Variants in MCF2L2 observed in about 807,000 individuals in gnomAD.
MCF2L2 encodes MCF.2 cell line derived transforming sequence-like 2.
In MCF2L2, 102 loss-of-function variants were observed where a neutral mutation model predicts 150.2. The observed-to-expected ratio is 0.68, with a 90% confidence interval of 0.58 to 0.80. The LOEUF (loss-of-function observed/expected upper bound fraction) is 0.80, where lower values mean the gene tolerates loss of function less well. Among genes scored for constraint, MCF2L2 ranks in the 30% least tolerant of loss-of-function variants. The pLI, the probability that MCF2L2 is intolerant of heterozygous loss-of-function variation, is 0.00. For synonymous variants in MCF2L2, 465 were observed against 491.3 expected (o/e 0.95, Z 0.71); for missense variants, 1,256 against 1,372.8 (o/e 0.91, Z 1.34).
intron 14 of MCF2L2, among the ~76,000 whole-genome samples, chr3:183,282,370 G>C (rs1249340222): frequency 6.6e-6 from 1 of 151,974 alleles, no homozygotes; most frequent in East Asian, 1.9e-4. Flanking sequence ...AGTAGAGACG[G>C]GGTTTCACCA....
At chr3:183,314,269 G>A (rs1218519582) in intron 7 of MCF2L2, among the ~76,000 whole-genome samples, 3 of 152,202 alleles carry the variant, frequency 2.0e-5, no homozygotes, top group Non-Finnish European at 4.4e-5. Flanking sequence ...CAGGCTGGGG[G>A]AAAGAATTTA....
At chr3:183,349,139 T>C (rs1404891705) in intron 3 of MCF2L2, among the ~76,000 whole-genome samples, 2 of 152,238 alleles carry the variant, frequency 1.3e-5, no homozygotes, top group East Asian at 1.9e-4. Flanking sequence ...CTGATCACCA[T>C]GGAATTAAAC....
intron 3 of MCF2L2, among the ~76,000 whole-genome samples, chr3:183,353,719 C>T (rs772975633): frequency 3.9e-5 from 6 of 152,140 alleles, no homozygotes; most frequent in Non-Finnish European, 8.8e-5. Context: ...CACCAGGCCC[C>T]ACCTCCAACA....
At chr3:183,335,654 G>C (rs554514161) in intron 5 of MCF2L2, among the ~76,000 whole-genome samples, 9 of 152,064 alleles carry the variant, frequency 5.9e-5, no homozygotes, top group African/African-American at 2.2e-4. Context: ...GATAGGTTGA[G>C]CCCAGGAGTT....
At chr3:183,398,269 G>A (rs147563722) in intron 1 of MCF2L2, among the ~76,000 whole-genome samples, 324 of 152,150 alleles carry the variant, frequency 2.1e-3, no homozygotes, top group African/African-American at 7.5e-3. Context: ...TCTAAGCTAG[G>A]GTATTTAAAA....
chr3:183,373,353 T>C (rs1407167750), intron 3 of MCF2L2: 1 of 152,168 alleles, frequency 6.6e-6, no homozygotes, highest in African/African-American at 2.4e-5. Flanking sequence ...CTATACATAA[T>C]TCACAAAGAA....
In MCF2L2 at chr3:183,323,293, G is replaced by A. The variant is rs749322023; in HGVS notation, c.545C>T (p.Thr182Ile). The A allele has an allele frequency of 8.7e-6, 14 of 1,613,750 alleles. No homozygotes were observed. Among genetic ancestry groups the A allele is most frequent in the Non-Finnish European group, 1.2e-5 (14 of 1,179,834 alleles). ...TTCCAAAGTCCCCCCTAATTCCCGGGTCAGTTGGCTTTTGTCGATGTAGCC... is the reference window on the plus strand; with the variant it reads ...TTCCAAAGTCCCCCCTAATTCCCGGATCAGTTGGCTTTTGTCGATGTAGCC... ...LHGYIDKSQL[T>I]RELGGTLEYR... The change falls in exon 6 of 30, where the codon ACC becomes ATC. Residue 182 changes from threonine to isoleucine, a missense_variant. Transcript: ENST00000328913.
chr3:183,206,992 A>C (rs1722515740), intron 23 of MCF2L2, among the ~76,000 whole-genome samples: 1 of 92,408 alleles, frequency 1.1e-5, no homozygotes, highest in Non-Finnish European at 2.5e-5. Context: ...GGAGGGAGGA[A>C]GGAAGGGAGG....
intron 1 of MCF2L2, among the ~76,000 whole-genome samples, chr3:183,421,871 G>A (rs73186918): frequency 0.085 from 12,897 of 152,230 alleles, 571 homozygotes; most frequent in African/African-American, 0.095. Flanking sequence ...TTCCCTTGAA[G>A]TGTAAAGACA....
At chr3:183,366,543 G>T (rs1333800175) in intron 3 of MCF2L2, among the ~76,000 whole-genome samples, 1 of 152,164 alleles carries the variant, frequency 6.6e-6, no homozygotes, top group Non-Finnish European at 1.5e-5. Flanking sequence ...TACGCGAGAG[G>T]CTGAGGCAGG....
intron 15 of MCF2L2, among the ~76,000 whole-genome samples, chr3:183,250,836 C>G (rs762939810): frequency 2.6e-5 from 4 of 152,198 alleles, no homozygotes; most frequent in Non-Finnish European, 5.9e-5. Flanking sequence ...AGCACGATGA[C>G]AGGACACAGC....
chr3:183,216,933 A>C (rs1722965554), intron 21 of MCF2L2, among the ~76,000 whole-genome samples: 1 of 151,374 alleles, frequency 6.6e-6, no homozygotes, highest in Admixed American at 6.6e-5. Context: ...AGCATGGAAA[A>C]ACCTAGCTCC....
intron 25 of MCF2L2, among the ~76,000 whole-genome samples, chr3:183,196,568 G>A (rs1722089126): frequency 6.6e-6 from 1 of 152,060 alleles, no homozygotes; most frequent in Non-Finnish European, 1.5e-5. Flanking sequence ...TCAGCCCAGG[G>A]CCCTGGTTCC....
chr3:183,279,156 AACAC>A (rs374605194), intron 14 of MCF2L2, among the ~76,000 whole-genome samples: 1 of 150,262 alleles, frequency 6.7e-6, no homozygotes, highest in Middle Eastern at 3.4e-3. Context: ...AGAAGTACAT[AACAC>A]ACACACACAC....
At chr3:183,361,738 T>C (rs1712219820) in intron 3 of MCF2L2, among the ~76,000 whole-genome samples, 2 of 152,256 alleles carry the variant, frequency 1.3e-5, no homozygotes, top group South Asian at 4.1e-4. Flanking sequence ...TATTTGTTTT[T>C]GCTCTAATAA....
At chr3:183,309,682 C>T in intron 10 of MCF2L2, 34 bp downstream of exon 10, 1 of 1,613,832 alleles carries the variant, frequency 6.2e-7, no homozygotes, top group South Asian at 1.1e-5. Flanking sequence ...ACAGCAACCT[C>T]CCTCCCAGTA....
rs765216956 is a variant in MCF2L2, at chr3:183,179,548, G to C, written c.3221+29C>G. 1.2e-6 allele frequency: 2 copies of C among 1,612,668 alleles called. No homozygotes were observed. The highest frequency in any genetic ancestry group is 1.7e-5 in the Admixed American group (1 of 59,830). On this transcript the variant is annotated intron_variant, in intron 29 of 29. Coordinates refer to ENST00000328913, the MANE Select transcript of MCF2L2 (RefSeq NM_015078.4). This position sits in a 1 kb window ranked among gnomAD's most constrained non-coding sequence, Gnocchi z 4.2. ...GTCAGAGACGCCGTGGCCCAAAGAG[G>C]CGCTTAGTCTTTCCTCGCTCACACT... is the stretch of plus-strand genomic sequence containing the variant.
At chr3:183,406,136 G>A (rs1715027491) in intron 1 of MCF2L2, among the ~76,000 whole-genome samples, 1 of 152,188 alleles carries the variant, frequency 6.6e-6, no homozygotes, top group Non-Finnish European at 1.5e-5. Context: ...TATATTAAAT[G>A]TATGTTTAAC....
intron 15 of MCF2L2, among the ~76,000 whole-genome samples, chr3:183,248,811 G>A (rs1724379948): frequency 1.3e-5 from 2 of 152,092 alleles, no homozygotes; most frequent in South Asian, 4.1e-4. Context: ...ATTCCAGCCT[G>A]AGCAACACAG....
Sources: gnomAD v4.1 joint callset for allele counts (sites outside exome capture counted in the v4.1 genomes callset) on GRCh38, gnomAD v4.1.1 for gene constraint, Gnocchi (gnomAD v3.1) non-coding constraint, MANE v1.5 for transcripts, NCBI Gene and HGNC (gene_info 2026-07-23, HGNC 2026-07-21) for gene names.